Variants in MAGI2 observed in about 807,000 individuals in gnomAD.
MAGI2 encodes membrane-associated guanylate kinase, WW and PDZ domain-containing protein 2.
In MAGI2, 35 loss-of-function variants were observed where a neutral mutation model predicts 133.3. The observed-to-expected ratio is 0.26, with a 90% confidence interval of 0.20 to 0.35. The LOEUF (loss-of-function observed/expected upper bound fraction) is 0.35, where lower values mean the gene tolerates loss of function less well. Ranked by LOEUF, MAGI2 falls within the 10% of genes least tolerant of loss-of-function variation. MAGI2 has a pLI of 1.00. For synonymous variants in MAGI2, 729 were observed against 710.6 expected, an observed-to-expected ratio of 1.03 and a Z score of -0.41; for missense variants, 1,636 against 1,863.4, an observed-to-expected ratio of 0.88 and a Z score of 2.25.
intron 6 of MAGI2, among the ~76,000 whole-genome samples, chr7:78,423,404 C>G (rs1426234692): frequency 6.6e-6 from 1 of 152,130 alleles, no homozygotes; most frequent in African/African-American, 2.4e-5. Flanking sequence ...TTGTAAATTG[C>G]CCAGTCTCAG....
At chr7:78,635,205 G>C (rs1271494764) in intron 2 of MAGI2, among the ~76,000 whole-genome samples, 2 of 152,166 alleles carry the variant, frequency 1.3e-5, no homozygotes, top group Non-Finnish European at 2.9e-5. Context: ...GAAGCGACTT[G>C]TCATTTTGCT....
At chr7:78,273,037 A>G (rs1481888683) in intron 9 of MAGI2, among the ~76,000 whole-genome samples, 3 of 152,118 alleles carry the variant, frequency 2.0e-5, no homozygotes, top group African/African-American at 7.2e-5. Flanking sequence ...TCATAGTGTC[A>G]ATGGTCTTTA....
At position 79,139,450 on chromosome 7, in the gene MAGI2, C is replaced by A. The variant is rs562809903; in HGVS notation, c.302-132244G>T. Among the ~76,000 whole-genome samples the A allele has an allele frequency of 3.3e-5, 5 of 152,284 alleles. No homozygotes were observed. In the East Asian group the frequency reaches 9.7e-4, roughly 29 times the overall value. On this transcript the variant is annotated intron_variant, in intron 1 of 21. Transcript: ENST00000354212. ...AGGGAGGTTACACTTGGATACAGAA[C>A]ATGTGCAGACACACAAGGGAGCTAC...
chr7:79,415,187 G>GA (rs1310795800), intron 1 of MAGI2: 1 of 152,070 alleles, frequency 6.6e-6, no homozygotes, highest in East Asian at 1.9e-4. Context: ...CATGAGATGT[G>GA]AAAAAATGGT....
At chr7:78,316,109 T>G (rs1319015198) in intron 9 of MAGI2, among the ~76,000 whole-genome samples, 1 of 152,218 alleles carries the variant, frequency 6.6e-6, no homozygotes, top group Non-Finnish European at 1.5e-5. Context: ...TATGATACTT[T>G]GCTGTCTCTT....
intron 1 of MAGI2, among the ~76,000 whole-genome samples, chr7:79,234,867 G>T (rs913071426): frequency 4.5e-4 from 68 of 151,686 alleles, no homozygotes; most frequent in African/African-American, 1.6e-3. Flanking sequence ...GAGGAGAGGC[G>T]CTCTGCGTTT....
chr7:78,502,217 A>G (rs932409582), intron 4 of MAGI2, among the ~76,000 whole-genome samples: 5 of 152,204 alleles, frequency 3.3e-5, no homozygotes, highest in South Asian at 2.1e-4. Flanking sequence ...GATGATTATG[A>G]TTAAATGTAA....
At chr7:78,133,500 T>C (rs934679785) in intron 17 of MAGI2, among the ~76,000 whole-genome samples, 3 of 152,194 alleles carry the variant, frequency 2.0e-5, no homozygotes, top group Admixed American at 2.0e-4. Context: ...AAATGTTTTT[T>C]ACAATCTTTT....
intron 6 of MAGI2, among the ~76,000 whole-genome samples, chr7:78,405,639 C>G (rs545875176): frequency 1.3e-5 from 2 of 151,946 alleles, no homozygotes; most frequent in Admixed American, 1.3e-4. Flanking sequence ...AAACATAAAA[C>G]CTTTTTAGCT....
intron 1 of MAGI2, among the ~76,000 whole-genome samples, chr7:79,306,469 T>G (rs1236376171): frequency 6.6e-6 from 1 of 151,478 alleles, no homozygotes; most frequent in Non-Finnish European, 1.5e-5. Flanking sequence ...GCTGCTTTTT[T>G]GATTTGACAT....
intron 6 of MAGI2, among the ~76,000 whole-genome samples, chr7:78,453,548 G>A (rs538587469): frequency 6.6e-6 from 1 of 152,242 alleles, no homozygotes; most frequent in South Asian, 2.1e-4. Flanking sequence ...TGTGCCCTCA[G>A]GTGAGCTAGT....
intron 2 of MAGI2, among the ~76,000 whole-genome samples, chr7:78,933,473 T>C (rs1455058327): frequency 6.6e-6 from 1 of 152,126 alleles, no homozygotes; most frequent in Admixed American, 6.6e-5. Context: ...GCACAAACTC[T>C]GGCCTGCAAC....
chr7:78,533,129 G>C (rs1797605889), intron 3 of MAGI2, among the ~76,000 whole-genome samples: 1 of 152,036 alleles, frequency 6.6e-6, no homozygotes, highest in Non-Finnish European at 1.5e-5. Context: ...TTTTAGTAGA[G>C]AGGAAATCAA....
At chr7:78,452,561 C>CT (rs1365471245) in intron 6 of MAGI2, among the ~76,000 whole-genome samples, 2 of 151,630 alleles carry the variant, frequency 1.3e-5, no homozygotes, top group East Asian at 3.9e-4. Context: ...AAAAATGTAC[C>CT]TTTTTCTGGG....
chr7:78,161,296 C>A (rs1312275227), intron 15 of MAGI2, among the ~76,000 whole-genome samples: 2 of 152,110 alleles, frequency 1.3e-5, no homozygotes, highest in African/African-American at 2.4e-5. Flanking sequence ...GAAAGAATTT[C>A]GTCATTTTAA....
At chr7:79,137,033 C>T (rs1037167085) in intron 1 of MAGI2, among the ~76,000 whole-genome samples, 1 of 151,794 alleles carries the variant, frequency 6.6e-6, no homozygotes, top group Non-Finnish European at 1.5e-5. Flanking sequence ...CTCTTGTTGC[C>T]CAGGCTGGTG....
intron 20 of MAGI2, among the ~76,000 whole-genome samples, chr7:78,121,972 T>C (rs1418528214): frequency 1.3e-5 from 2 of 152,108 alleles, no homozygotes; most frequent in East Asian, 1.9e-4. Flanking sequence ...ACATAACATA[T>C]AGAAAGCAAA....
chr7:78,160,661 A>G (rs1277357276), intron 15 of MAGI2, among the ~76,000 whole-genome samples: 1 of 152,244 alleles, frequency 6.6e-6, no homozygotes, highest in Non-Finnish European at 1.5e-5. Context: ...GATATGGTGC[A>G]TAAGAATCAC....
Position 78,079,076 on chromosome 7 carries a change from G to C in MAGI2, c.3577C>G (p.Gln1193Glu). ...CTTTCCCCATTGATTTCAATGATTT[G>C]ATCTCCTACCTGTTGATTAAAGAAA... is the stretch of plus-strand genomic sequence containing the variant. ...IRNGRMRVGD[Q>E]IIEINGESTR... The change falls in exon 21 of 22, where the codon CAA becomes GAA. Residue 1193 changes from glutamine (Q) to glutamate (E), a missense_variant. Coordinates refer to ENST00000354212, the MANE Select transcript of MAGI2 (RefSeq NM_012301.4). The C allele has an allele frequency of 6.2e-7, 1 of 1,613,336 alleles. No individual in the cohort carries two copies. The highest frequency in any genetic ancestry group is 8.5e-7 in the Non-Finnish European group (1 of 1,179,810).
Sources: allele counts gnomAD v4.1 joint callset (sites outside exome capture counted in the v4.1 genomes callset), GRCh38; gene constraint gnomAD v4.1.1; transcripts MANE v1.5; gene names NCBI Gene and HGNC (gene_info 2026-07-23, HGNC 2026-07-21).